Variants in TMEM108 observed in about 807,000 individuals in gnomAD.
TMEM108 encodes the protein transmembrane protein 108.
A neutral mutation model predicts 35.1 loss-of-function variants in TMEM108; 12 were observed. The observed-to-expected ratio is 0.34, with a 90% CI of 0.22 to 0.55. TMEM108 has a LOEUF of 0.55. TMEM108 is among the 20% of genes least tolerant of loss of function. The pLI is 0.89. For synonymous variants in TMEM108, 287 were observed against 308.6 expected, an observed-to-expected ratio of 0.93 and a Z score of 0.73; for missense variants, 680 against 753.3, an observed-to-expected ratio of 0.90 and a Z score of 1.14.
At chr3:133,229,687 C>T (rs1243844358) in intron 3 of TMEM108, among the ~76,000 whole-genome samples, 1 of 152,140 alleles carries the variant, frequency 6.6e-6, no homozygotes, top group Non-Finnish European at 1.5e-5. Context: ...TGTCCAAAAA[C>T]ATTATTGCCT....
At chr3:133,049,200 G>A (rs1943375616) in intron 2 of TMEM108, among the ~76,000 whole-genome samples, 1 of 152,072 alleles carries the variant, frequency 6.6e-6, no homozygotes, top group Admixed American at 6.5e-5. Flanking sequence ...ATAACCTCTT[G>A]GATAATTTTC....
chr3:133,300,932 G>A (rs766444584), intron 3 of TMEM108, among the ~76,000 whole-genome samples: 1 of 113,776 alleles, frequency 8.8e-6, no homozygotes, highest in Non-Finnish European at 1.9e-5. Context: ...ATGCCACAGC[G>A]TAAGAATAAA....
intron 2 of TMEM108, among the ~76,000 whole-genome samples, chr3:133,163,883 G>T (rs1164559882): frequency 6.6e-6 from 1 of 152,140 alleles, no homozygotes; most frequent in Non-Finnish European, 1.5e-5. Flanking sequence ...TTAGGCTGCT[G>T]GTGAAGGCCC....
At chr3:133,165,669 C>T (rs939275504) in intron 2 of TMEM108, among the ~76,000 whole-genome samples, 2 of 152,188 alleles carry the variant, frequency 1.3e-5, no homozygotes, top group Non-Finnish European at 2.9e-5. Context: ...AGATGACCAT[C>T]CCGCAGGCTG....
At chr3:133,283,104 T>G (rs1317520051) in intron 3 of TMEM108, among the ~76,000 whole-genome samples, 1 of 152,232 alleles carries the variant, frequency 6.6e-6, no homozygotes, top group African/African-American at 2.4e-5. Flanking sequence ...TTGTCTTATC[T>G]GCATTACTTA....
At chr3:133,053,007 G>C (rs1277605752) in intron 2 of TMEM108, among the ~76,000 whole-genome samples, 1 of 152,118 alleles carries the variant, frequency 6.6e-6, no homozygotes, top group Non-Finnish European at 1.5e-5. Context: ...AGATGCAGGT[G>C]CTCTGAGTGT....
intron 2 of TMEM108, among the ~76,000 whole-genome samples, chr3:133,169,137 A>T (rs527615014): frequency 6.6e-6 from 1 of 152,366 alleles, no homozygotes; most frequent in South Asian, 2.1e-4. Flanking sequence ...CTCCCAAGAT[A>T]ACAGCATTAA....
intron 2 of TMEM108, among the ~76,000 whole-genome samples, chr3:133,212,467 T>C (rs12634330): frequency 0.45 from 67,967 of 151,978 alleles, 16,478 homozygotes; most frequent in African/African-American, 0.65. Flanking sequence ...GTTATTGTAA[T>C]TGTACCCACA....
intron 3 of TMEM108, among the ~76,000 whole-genome samples, chr3:133,244,994 G>A (rs1273822448): frequency 6.6e-6 from 1 of 152,194 alleles, no homozygotes; most frequent in Admixed American, 6.5e-5. Flanking sequence ...AGAAAGGTAA[G>A]CATCAGATAA....
chr3:133,166,679 C>T lies in TMEM108; in HGVS notation c.-46-62587C>T, dbSNP rs143260584. Among the ~76,000 whole-genome samples, 153 of 152,258 alleles carry T rather than the reference C, an allele frequency of 1.0e-3. 1 individual carries two copies. Among genetic ancestry groups the T allele is most frequent in the African/African-American group, 3.5e-3 (147 of 41,542 alleles). Reference sequence around the variant, plus strand: ...ATTCCTCCCGGTGGGTTCATGGTCTCGCTGGCCTCAGGAGTGAAGCTGCAG... The same window carrying T: ...ATTCCTCCCGGTGGGTTCATGGTCTTGCTGGCCTCAGGAGTGAAGCTGCAG... On this transcript the variant is annotated intron_variant, in intron 2 of 5. Transcript: ENST00000321871.
chr3:133,133,110 T>C (rs1330296680), intron 2 of TMEM108, among the ~76,000 whole-genome samples: 1 of 152,104 alleles, frequency 6.6e-6, no homozygotes, highest in East Asian at 1.9e-4. Flanking sequence ...GTGAACATTA[T>C]TGAAATGACA....
chr3:133,169,310 TC>T (rs1451696966), intron 2 of TMEM108, among the ~76,000 whole-genome samples: 4 of 130,480 alleles, frequency 3.1e-5, no homozygotes, highest in Non-Finnish European at 6.4e-5. Context: ...AGTTGTGTAC[TC>T]ATCTTTGGAC....
chr3:133,047,669 G>T (rs1943356702), intron 2 of TMEM108, among the ~76,000 whole-genome samples: 1 of 152,166 alleles, frequency 6.6e-6, no homozygotes, highest in Non-Finnish European at 1.5e-5. Context: ...ATGTCCCCTG[G>T]AGAGCAGAAT....
chr3:133,355,851 C>T (rs2072148730), intron 3 of TMEM108, among the ~76,000 whole-genome samples: 1 of 152,024 alleles, frequency 6.6e-6, no homozygotes, highest in Non-Finnish European at 1.5e-5. Context: ...TGGAAGAAAC[C>T]ATTGTGACAT....
intron 2 of TMEM108, among the ~76,000 whole-genome samples, chr3:133,107,225 C>T (rs1205076019): frequency 3.3e-5 from 5 of 151,948 alleles, no homozygotes; most frequent in Non-Finnish European, 7.4e-5. Context: ...AATTAAATAC[C>T]CCCCAAATAC....
intron 3 of TMEM108, among the ~76,000 whole-genome samples, chr3:133,290,871 A>C (rs1054374055): frequency 1.1e-4 from 17 of 152,238 alleles, no homozygotes; most frequent in Non-Finnish European, 1.2e-4. Flanking sequence ...GCTCAGCCCT[A>C]TACCTCATTT....
At chr3:133,382,885 G>A (rs2073050443) in intron 4 of TMEM108, among the ~76,000 whole-genome samples, 1 of 152,230 alleles carries the variant, frequency 6.6e-6, no homozygotes, top group Non-Finnish European at 1.5e-5. Flanking sequence ...GATGAGCAAA[G>A]TAAACTTTCC....
At position 133,051,848 on chromosome 3, in the gene TMEM108, T is replaced by C. The variant is rs540924617; in HGVS notation, c.-47+5828T>C. On this transcript the variant is annotated intron_variant, in intron 2 of 5. Transcript: ENST00000321871. ...TTTCTAGGCTCTCTATTCTGTTCTA[T>C]TGGTCTATAGGTCTGTTATTTTATC... 4.6e-5 allele frequency among the ~76,000 whole-genome samples: 7 copies of C among 152,276 alleles called. No homozygotes were observed. The East Asian group carries it at 1.3e-3, about 29-fold the overall frequency.
intron 4 of TMEM108, chr3:133,389,683 CA>C (rs769371033): frequency 1.1e-3 from 106 of 100,464 alleles, no homozygotes; most frequent in Non-Finnish European, 1.1e-3. Context: ...TAGACTCCAT[CA>C]AAAAAAAAAA....
Sources: gnomAD v4.1 joint callset for allele counts (sites outside exome capture counted in the v4.1 genomes callset) on GRCh38, gnomAD v4.1.1 for gene constraint, MANE v1.5 for transcripts, NCBI Gene and HGNC (gene_info 2026-07-23, HGNC 2026-07-21) for gene names.